RNF213: variants seen among roughly 807,000 people sequenced by gnomAD.
RNF213 encodes the protein E3 ubiquitin-protein ligase RNF213.
RNF213 carries 341 observed loss-of-function variants against 514.4 expected under a neutral mutation model. The ratio of observed to expected loss-of-function variants is 0.66; its 90% CI spans 0.61 to 0.73. The LOEUF (loss-of-function observed/expected upper bound fraction) is 0.73. RNF213 is among the 30% of genes least tolerant of loss of function. RNF213 has a pLI of 0.00. For missense variants in RNF213, 5,767 were observed against 6,615.6 expected (o/e 0.87, Z 4.45); for synonymous variants, 2,655 against 2,658.2 (o/e 1.00, Z 0.04).
At chr17:80,306,566 C>G in intron 12 of RNF213, 98 bp downstream of exon 12, 1 of 1,284,182 alleles carries the variant, frequency 7.8e-7, no homozygotes, top group Non-Finnish European at 1.1e-6. Context: ...AAAAAACAGA[C>G]AGTGGGCTGG....
At chr17:80,301,314 A>G (rs2045169405) in intron 11 of RNF213, among the ~76,000 whole-genome samples, 1 of 152,218 alleles carries the variant, frequency 6.6e-6, no homozygotes, top group Non-Finnish European at 1.5e-5. Flanking sequence ...GTAAAGTGAG[A>G]TAAATGGGAT....
intron 65 of RNF213, 51 bp from the exon 66 acceptor site, chr17:80,389,777 G>C: frequency 6.7e-7 from 1 of 1,482,688 alleles, no homozygotes; most frequent in Non-Finnish European, 9.4e-7. Flanking sequence ...CACGACATGA[G>C]TGGGGGTGTG....
chr17:80,357,847 A>G (rs6565678), intron 36 of RNF213, among the ~76,000 whole-genome samples: 109,068 of 152,118 alleles, frequency 0.72, 39,719 homozygotes, highest in African/African-American at 0.82. Context: ...TTAGCTGGGC[A>G]TGGTGGCACT....
intron 11 of RNF213, among the ~76,000 whole-genome samples, chr17:80,303,602 C>T (rs1365777677): frequency 2.8e-5 from 4 of 143,974 alleles, no homozygotes; most frequent in Non-Finnish European, 4.5e-5. Context: ...CCTGCTCTGT[C>T]GCCCAGGCTG....
chr17:80,332,103 G>A lies in RNF213; in HGVS notation c.3615G>A (p.Ser1205=), dbSNP rs763238902. Residue 1205 remains serine (S), a synonymous_variant, in exon 21 of 68, where the codon TCG becomes TCA. Coordinates refer to ENST00000582970, the MANE Select transcript of RNF213 (RefSeq NM_001256071.3). Reference sequence around the variant, plus strand: ...TGAGACTGTCCACCTCCTCGAACTCGCAGAGGGCAACGCATTACCACCTGA... The same window carrying A: ...TGAGACTGTCCACCTCCTCGAACTCACAGAGGGCAACGCATTACCACCTGA... ...VTVRLSTSSN[S]QRATHYHLSS... The A allele has an allele frequency of 4.1e-5, 63 of 1,537,024 alleles. No homozygotes were observed. The highest frequency in any genetic ancestry group is 9.8e-5 in the East Asian group (4 of 40,932).
intron 55 of RNF213, 180 bp downstream of exon 55, chr17:80,379,894 C>G: frequency 1.5e-6 from 1 of 654,002 alleles, no homozygotes. Context: ...GGCATCTGAT[C>G]TGTTGTTGGA....
In RNF213 at chr17:80,377,058, G is replaced by A; in HGVS notation, c.13510+95G>A. 1.0e-6 allele frequency: 1 copy of A among 997,346 alleles called. No homozygotes were observed. The highest frequency in any genetic ancestry group is 1.6e-6 in the Non-Finnish European group (1 of 643,728). 61.8% of individuals were successfully genotyped at this position (997,346 alleles called of 1,614,324 possible). On this transcript the variant is annotated intron_variant, in intron 53 of 67. Coordinates refer to ENST00000582970, the MANE Select transcript of RNF213 (RefSeq NM_001256071.3). This position sits in a 1 kb window ranked among gnomAD's most constrained non-coding sequence, Gnocchi z 4.1. The stretch of plus-strand genomic sequence containing the variant: ...TTGGGTTCGACTTGGGGTCCACGTG[G>A]TTTGTGCCTCAGGGTCCAAAACCAC...
At chr17:80,307,033 T>TA in intron 12 of RNF213, 95 bp from the exon 13 acceptor site, 1 of 1,180,724 alleles carries the variant, frequency 8.5e-7, no homozygotes, top group Non-Finnish European at 1.3e-6. Context: ...ATGTATACCA[T>TA]ATTGATGTTG....
rs1301167884 is a variant in RNF213 at position 80,346,420 on chromosome 17, C to T, written c.8085C>T (p.Ala2695=). 1.2e-6 allele frequency: 2 copies of T among 1,613,496 alleles called. No homozygotes were observed. The highest frequency in any genetic ancestry group is 1.7e-6 in the Non-Finnish European group (2 of 1,180,018). The change falls in exon 29 of 68, where the codon GCC becomes GCT. Residue 2695 remains alanine, a synonymous_variant. Transcript: ENST00000582970. The surrounding 1 kb of genome is among the most constrained non-coding windows in gnomAD (Gnocchi z 8.1). ...LMLAIGVCYH[A]SLEKKDSYRK... ...TGGCCATCGGGGTGTGTTACCATGC[C>T]TCTTTAGAAAAGAAAGACTCATATC...
At chr17:80,380,722 T>G in intron 55 of RNF213, 109 bp from the exon 56 acceptor site, 1 of 1,285,428 alleles carries the variant, frequency 7.8e-7, no homozygotes, top group East Asian at 2.3e-5. Context: ...CAAGTACTCT[T>G]CACATAACTC....
At chr17:80,354,377 A>C in intron 35 of RNF213, 64 bp from the exon 36 acceptor site, 2 of 1,612,386 alleles carry the variant, frequency 1.2e-6, no homozygotes, top group Non-Finnish European at 1.7e-6. Context: ...GGTGGGACAG[A>C]AGCACTCCGG....
At chr17:80,379,861 T>C in intron 55 of RNF213, 147 bp downstream of exon 55, 3 of 720,084 alleles carry the variant, frequency 4.2e-6, no homozygotes, top group Non-Finnish European at 7.4e-6. Context: ...AATGCCAAAG[T>C]CCCAGCAGTC....
chr17:80,339,312 G>A lies in RNF213; in HGVS notation c.4945G>A (p.Val1649Met), dbSNP rs1233203587. The stretch of plus-strand genomic sequence containing the variant: ...GGCCTACTGCTCCCCCAAGCAGGGT[G>A]TGTCCCTCCAAATGGACTTTGGCTT... ...AMAYCSPKQG[V>M]SLQMDFGLDL... is the part of the protein sequence containing the mutation. Residue 1649 changes from valine (V) to methionine (M), a missense_variant, in exon 26 of 68, where the codon GTG (valine) becomes ATG (methionine). Physicochemically the swap from Val to Met is conservative, Grantham distance 21. Transcript: ENST00000582970. The A allele has an allele frequency of 3.3e-6, 5 of 1,537,094 alleles. No homozygotes were observed. Among genetic ancestry groups the A allele is most frequent in the Non-Finnish European group, 4.4e-6 (5 of 1,146,844 alleles).
chr17:80,284,930 T>C (rs1324964815), intron 3 of RNF213, among the ~76,000 whole-genome samples: 2 of 152,206 alleles, frequency 1.3e-5, no homozygotes, highest in African/African-American at 4.8e-5. Flanking sequence ...GCCAGGATGA[T>C]AGACATCAGT....
chr17:80,303,965 A>G (rs1373660546), intron 11 of RNF213, among the ~76,000 whole-genome samples: 1 of 149,860 alleles, frequency 6.7e-6, no homozygotes, highest in African/African-American at 2.5e-5. Context: ...AGAGGCCACT[A>G]GATGATCAAG....
Position 80,377,896 on chromosome 17 carries a change from A to G in RNF213, c.13545+100A>G. On this transcript the variant is annotated intron_variant, in intron 54 of 67. Transcript: ENST00000582970. This position sits in a 1 kb window ranked among gnomAD's most constrained non-coding sequence, Gnocchi z 4.1. Reference sequence around the variant, plus strand: ...AGGAGAGTGAGGCTCTCGGCCTTCCAGGAGAGCACAGGCTCACCGAGGACT... The same window carrying G: ...AGGAGAGTGAGGCTCTCGGCCTTCCGGGAGAGCACAGGCTCACCGAGGACT... The G allele has an allele frequency of 7.5e-7, 1 of 1,331,268 alleles. No homozygotes were observed. The highest frequency in any genetic ancestry group is 1.1e-6 in the Non-Finnish European group (1 of 923,766). The allele number at this position is 1,331,268 out of a possible 1,614,324, so 82.5% of individuals were successfully genotyped here.
intron 32 of RNF213, chr17:80,352,493 C>G: frequency 2.0e-6 from 1 of 492,456 alleles, no homozygotes; most frequent in Non-Finnish European, 3.6e-6. Flanking sequence ...CTCTTTTTTT[C>G]CAAGGAATGG....
In RNF213 at chr17:80,281,926, G is replaced by A. The variant is rs149823675; in HGVS notation, c.262-5889G>A. On this transcript the variant is annotated intron_variant, in intron 3 of 67. Coordinates refer to ENST00000582970, the MANE Select transcript of RNF213 (RefSeq NM_001256071.3). ...GGCTGGAGTGCAATGGCGTGATCTC[G>A]GCTCCCTGCAACCTCCGCCTCCTGG... 4.1e-3 allele frequency among the ~76,000 whole-genome samples: 625 copies of A among 152,000 alleles called. 5 individuals carry two copies. The highest frequency in any genetic ancestry group is 0.014 in the African/African-American group (584 of 41,426).
chr17:80,345,700 A>C lies in RNF213; in HGVS notation c.7365A>C (p.Thr2455=). The C allele has an allele frequency of 6.2e-7, 1 of 1,614,254 alleles. No individual in the cohort carries two copies. Among genetic ancestry groups the C allele is most frequent in the Non-Finnish European group, 8.5e-7 (1 of 1,180,040 alleles). ...TIKLVKVHGG[T]TADMIYSRVR... ...AGCTGGTCAAGGTGCACGGAGGAAC[A>C]ACTGCAGACATGATCTACTCCAGAG... is the stretch of plus-strand genomic sequence containing the variant. Residue 2455 remains threonine, a synonymous_variant, in exon 29 of 68, where the codon ACA becomes ACC. Coordinates refer to ENST00000582970, the MANE Select transcript of RNF213 (RefSeq NM_001256071.3). This position sits in a 1 kb window ranked among gnomAD's most constrained non-coding sequence, Gnocchi z 6.0.
Sources: gnomAD v4.1 joint callset for allele counts (sites outside exome capture counted in the v4.1 genomes callset) on GRCh38, gnomAD v4.1.1 for gene constraint, Gnocchi (gnomAD v3.1) non-coding constraint, MANE v1.5 for transcripts, NCBI Gene and HGNC (gene_info 2026-07-23, HGNC 2026-07-21) for gene names.